The following GON4L variants were observed in gnomAD, a reference collection of about 807,000 sequenced individuals.
The protein encoded by GON4L is gon-4 like.
In GON4L, 87 loss-of-function variants were observed where a neutral mutation model predicts 211.8. The observed-to-expected ratio is 0.41, with a 90% confidence interval of 0.35 to 0.49. The LOEUF (loss-of-function observed/expected upper bound fraction) is 0.49. Ranked by LOEUF, GON4L falls within the 20% of genes least tolerant of loss-of-function variation. The pLI is 0.15. For synonymous variants in GON4L, 875 were observed against 962.6 expected, an observed-to-expected ratio of 0.91 and a Z score of 1.68; for missense variants, 2,155 against 2,659.5, an observed-to-expected ratio of 0.81 and a Z score of 4.17.
intron 2 of GON4L, among the ~76,000 whole-genome samples, chr1:155,832,058 T>G (rs879553973): frequency 2.6e-5 from 4 of 151,256 alleles, no homozygotes; most frequent in Non-Finnish European, 5.9e-5. Context: ...GTGGATCACT[T>G]GAGATCAGGA....
At chr1:155,849,649 C>G (rs1196609159) in intron 2 of GON4L, among the ~76,000 whole-genome samples, 1 of 151,250 alleles carries the variant, frequency 6.6e-6, no homozygotes, top group East Asian at 1.9e-4. Context: ...TGGTGGGTGC[C>G]TGTAATCCCA....
At chr1:155,807,766 A>G (rs1378797699) in intron 10 of GON4L, among the ~76,000 whole-genome samples, 1 of 149,504 alleles carries the variant, frequency 6.7e-6, no homozygotes, top group Admixed American at 6.7e-5. Flanking sequence ...TGTACTTTTT[A>G]AAGACTGTTT....
intron 10 of GON4L, 72 bp from the exon 11 acceptor site, chr1:155,805,213 CATCTT>C (rs201226887): frequency 5.8e-4 from 581 of 1,006,752 alleles, no homozygotes; most frequent in East Asian, 3.9e-3. Context: ...CTTTTCTTCT[CATCTT>C]AGCTTAAGTA....
At chr1:155,779,041 C>A (rs822025) in intron 14 of GON4L, among the ~76,000 whole-genome samples, 3 of 151,374 alleles carry the variant, frequency 2.0e-5, no homozygotes, top group African/African-American at 7.3e-5. Flanking sequence ...CAGAGGTGGG[C>A]GGATCACGAG....
Position 155,766,348 on chromosome 1 carries a change from G to C in GON4L, c.3125C>G (p.Pro1042Arg), listed in dbSNP as rs779069537. ...PSKMVLRIPH[P>R]IQPATVLQTV... Reference sequence around the variant, plus strand: ...CTGTAAAACAGTGGCTGGCTGTATTGGGTGAGGAATCCGGAGCACCATTTT... The same window carrying C: ...CTGTAAAACAGTGGCTGGCTGTATTCGGTGAGGAATCCGGAGCACCATTTT... The change falls in exon 21 of 32, where the codon CCA becomes CGA. Residue 1042 changes from proline (P) to arginine (R), a missense_variant. Coordinates refer to ENST00000368331, the MANE Select transcript of GON4L (RefSeq NM_001282860.2). 10 of 1,613,976 alleles carry C rather than the reference G, an allele frequency of 6.2e-6. No homozygotes were observed. In the South Asian group the frequency reaches 1.1e-4, roughly 18 times the overall value.
At chr1:155,851,240 G>C (rs1333012055) in intron 2 of GON4L, among the ~76,000 whole-genome samples, 1 of 151,608 alleles carries the variant, frequency 6.6e-6, no homozygotes, top group African/African-American at 2.4e-5. Context: ...TGTAGTCCCA[G>C]CTACTCGGGA....
At chr1:155,814,770 A>ATAAG (rs10669687) in intron 8 of GON4L, among the ~76,000 whole-genome samples, 1 of 151,216 alleles carries the variant, frequency 6.6e-6, no homozygotes, top group Non-Finnish European at 1.5e-5. Flanking sequence ...AAATAAATAA[A>ATAAG]ATCCATCACT....
chr1:155,850,252 G>C (rs1012702169), intron 2 of GON4L, among the ~76,000 whole-genome samples: 2 of 152,038 alleles, frequency 1.3e-5, no homozygotes, highest in African/African-American at 4.8e-5. Context: ...TATGTAATTA[G>C]CAAAATGGCA....
intron 28 of GON4L, among the ~76,000 whole-genome samples, chr1:155,753,755 G>A (rs1660855621): frequency 6.6e-6 from 1 of 152,122 alleles, no homozygotes; most frequent in Admixed American, 6.6e-5. Flanking sequence ...GAGTGCAGTG[G>A]CTGTTTACAC....
At chr1:155,840,731 G>C (rs563737962) in intron 2 of GON4L, among the ~76,000 whole-genome samples, 55 of 152,258 alleles carry the variant, frequency 3.6e-4, no homozygotes, top group African/African-American at 1.2e-3. Flanking sequence ...TGGGCAAAAG[G>C]GGCAAAGTAA....
chr1:155,829,847 G>A (rs1669579526), intron 2 of GON4L, among the ~76,000 whole-genome samples: 1 of 152,040 alleles, frequency 6.6e-6, no homozygotes, highest in African/African-American at 2.4e-5. Flanking sequence ...AAAGCATTGT[G>A]GAGTCAGAGG....
chr1:155,851,334 A>ACAGAGC (rs1244319751), intron 2 of GON4L, among the ~76,000 whole-genome samples: 2 of 151,698 alleles, frequency 1.3e-5, no homozygotes, highest in Non-Finnish European at 1.5e-5. Flanking sequence ...AGCCTGGGCG[A>ACAGAGC]CAGAGCCAGA....
rs1180323745 is a variant in GON4L, at chr1:155,751,860, G to A, written c.6483C>T (p.Asp2161=). 1 of 1,613,194 alleles carries A rather than the reference G, an allele frequency of 6.2e-7. No homozygotes were observed. Among genetic ancestry groups the A allele is most frequent in the Admixed American group, 1.7e-5 (1 of 60,002 alleles). ...EKVVLWTREA[D]RVILTMCQEQ... is the part of the protein sequence containing the mutation. ...CCTGGCACATGGTGAGGATCACACG[G>A]TCAGCTTCCCTGTAACCCAGGTATC... The change falls in exon 31 of 32, where the codon GAC becomes GAT. Residue 2161 remains aspartate (D), a synonymous_variant. Coordinates refer to ENST00000368331, the MANE Select transcript of GON4L (RefSeq NM_001282860.2).
intron 29 of GON4L, 129 bp from the exon 30 acceptor site, chr1:155,752,719 C>G: frequency 7.2e-7 from 1 of 1,396,196 alleles, no homozygotes; most frequent in Non-Finnish European, 9.9e-7. Flanking sequence ...GTGGCTCACA[C>G]CTATAATGTC....
At position 155,765,645 on chromosome 1, in the gene GON4L, T is replaced by G. The variant is rs775086921; in HGVS notation, c.3828A>C (p.Ala1276=). The part of the protein sequence containing the change: ...EHSPGPPLAD[A]ECQEGLSENS... ...TCTCTGACAATCCTTCTTGGCACTC[T>G]GCATCTGCTAGTGGAGGCCCTGGGC... is the stretch of plus-strand genomic sequence containing the variant. Residue 1276 remains alanine, a synonymous_variant, in exon 21 of 32, where the codon GCA becomes GCC. Transcript: ENST00000368331. 1 of 1,614,070 alleles carries G rather than the reference T, an allele frequency of 6.2e-7. No individual in the cohort carries two copies. Among genetic ancestry groups the G allele is most frequent in the East Asian group, 2.2e-5 (1 of 44,892 alleles).
At chr1:155,833,594 C>T (rs892693381) in intron 2 of GON4L, among the ~76,000 whole-genome samples, 3 of 135,124 alleles carry the variant, frequency 2.2e-5, no homozygotes, top group African/African-American at 8.6e-5. Flanking sequence ...TGCAGTGAGC[C>T]GAGATCACAC....
intron 2 of GON4L, among the ~76,000 whole-genome samples, chr1:155,838,407 T>C (rs189737230): frequency 6.6e-6 from 1 of 152,300 alleles, no homozygotes; most frequent in East Asian, 1.9e-4. Context: ...GATTCTTACT[T>C]AGGGGTTCAC....
At chr1:155,845,201 CA>C (rs1571926637) in intron 2 of GON4L, among the ~76,000 whole-genome samples, 2 of 152,192 alleles carry the variant, frequency 1.3e-5, no homozygotes, top group East Asian at 3.8e-4. Context: ...AAACCCTGAT[CA>C]AAACAGGATG....
intron 1 of GON4L, among the ~76,000 whole-genome samples, chr1:155,855,296 A>G (rs1403192223): frequency 6.6e-6 from 1 of 151,940 alleles, no homozygotes; most frequent in Non-Finnish European, 1.5e-5. Flanking sequence ...TCCTTCCTCC[A>G]AAACTATCAG....
Sources: allele counts gnomAD v4.1 joint callset (sites outside exome capture counted in the v4.1 genomes callset), GRCh38; gene constraint gnomAD v4.1.1; transcripts MANE v1.5; gene names NCBI Gene and HGNC (gene_info 2026-07-23, HGNC 2026-07-21).